The following HIF3A variants were observed in gnomAD, a reference collection of about 807,000 sequenced individuals.
HIF3A encodes the protein hypoxia-inducible factor 3-alpha.
Under a neutral mutation model 67.2 loss-of-function variants are expected in HIF3A, and 41 were observed. The ratio of observed to expected loss-of-function variants is 0.61; its 90% CI spans 0.48 to 0.79. The LOEUF (loss-of-function observed/expected upper bound fraction) is 0.79, where lower values mean the gene tolerates loss of function less well. Ranked by LOEUF, HIF3A falls within the 30% of genes least tolerant of loss-of-function variation. The pLI, the probability that HIF3A is intolerant of heterozygous loss-of-function variation, is 0.00. For missense variants in HIF3A, 855 were observed against 898.0 expected (o/e 0.95, Z 0.61); for synonymous variants, 356 against 374.8 (o/e 0.95, Z 0.58).
At chr19:46,324,957 T>TAC (rs1186957017) in intron 10 of HIF3A, among the ~76,000 whole-genome samples, 18 of 136,958 alleles carry the variant, frequency 1.3e-4, no homozygotes, top group East Asian at 1.3e-3. Flanking sequence ...TATATATATA[T>TAC]ACACATACAC....
chr19:46,298,440 C>G, intron 1 of HIF3A: 1 of 1,288,574 alleles, frequency 7.8e-7, no homozygotes. Context: ...GTAACTCGCA[C>G]CCGGGTCCTG....
intron 4 of HIF3A, 38 bp downstream of exon 4, chr19:46,308,343 G>C (rs1421047535): frequency 7.5e-7 from 1 of 1,336,064 alleles, no homozygotes; most frequent in South Asian, 1.3e-5. Flanking sequence ...ACCATACAGA[G>C]GAGGAAGCTG....
At chr19:46,312,738 C>A (rs73940661) in intron 8 of HIF3A, 85 bp downstream of exon 8, 3 of 462,964 alleles carry the variant, frequency 6.5e-6, no homozygotes, top group Admixed American at 5.6e-5. Context: ...TGTGTGTGTG[C>A]GTATGAGCAT....
chr19:46,338,685 T>C (rs1039804993), intron 14 of HIF3A: 3 of 285,516 alleles, frequency 1.1e-5, no homozygotes, highest in South Asian at 1.0e-4. Context: ...GGAGGTGCTG[T>C]TATTAGCCCG....
rs909693229 is a variant in HIF3A at position 46,304,087 on chromosome 19, A to G, written c.216A>G (p.Ala72=). ...SYLRMHRLCA[A]GEWNQVGAGG... ...TGCGCATGCACCGCCTCTGCGCCGCAGGTGAGCCCCGCCCGCGGGAATTCC... is the reference window on the plus strand; with the variant it reads ...TGCGCATGCACCGCCTCTGCGCCGCGGGTGAGCCCCGCCCGCGGGAATTCC... The change falls in exon 2 of 15, where the codon GCA becomes GCG. Residue 72 remains alanine (A), a splice_region_variant and synonymous_variant. Transcript: ENST00000377670. 1.3e-6 allele frequency: 2 copies of G among 1,559,820 alleles called. No homozygotes were observed. Among genetic ancestry groups the G allele is most frequent in the South Asian group, 1.2e-5 (1 of 85,050 alleles).
chr19:46,320,028 G>A (rs984715781), intron 8 of HIF3A, among the ~76,000 whole-genome samples: 3 of 152,068 alleles, frequency 2.0e-5, no homozygotes, highest in Admixed American at 6.6e-5. Context: ...TCAGGAGTTC[G>A]AGACCAGCCT....
Position 46,312,662 on chromosome 19 carries a change from G to A in HIF3A, c.1025+9G>A. ...GTCCATTTTTTAATCAGGTAAGCAG[G>A]AGGAGGGGCTGGGGTGGCTGTGTGT... On this transcript the variant is annotated intron_variant, in intron 8 of 14. Transcript: ENST00000377670. The A allele has an allele frequency of 6.5e-6, 10 of 1,548,446 alleles. No homozygotes were observed. Among genetic ancestry groups the A allele is most frequent in the South Asian group, 1.3e-5 (1 of 79,926 alleles).
intron 10 of HIF3A, among the ~76,000 whole-genome samples, chr19:46,322,739 C>T (rs1247775960): frequency 6.6e-6 from 1 of 152,114 alleles, no homozygotes; most frequent in Non-Finnish European, 1.5e-5. Flanking sequence ...CCGTACCTGG[C>T]TCTTTGGGTT....
chr19:46,321,539 G>C (rs1479534520), intron 9 of HIF3A, among the ~76,000 whole-genome samples: 2 of 152,158 alleles, frequency 1.3e-5, no homozygotes, highest in East Asian at 3.9e-4. Context: ...AACTGAGATA[G>C]TGCCACTGCA....
At chr19:46,324,378 C>T (rs953941795) in intron 10 of HIF3A, among the ~76,000 whole-genome samples, 5 of 152,146 alleles carry the variant, frequency 3.3e-5, no homozygotes, top group Admixed American at 6.6e-5. Context: ...AGTGGGTCCA[C>T]GTTATCCAGT....
intron 1 of HIF3A, chr19:46,298,614 T>C: frequency 2.1e-6 from 2 of 936,040 alleles, no homozygotes; most frequent in Non-Finnish European, 2.8e-6. Context: ...AAGTCCCTGG[T>C]GGGTACGGCT....
At chr19:46,338,651 C>A in intron 14 of HIF3A, 1 of 452,908 alleles carries the variant, frequency 2.2e-6, no homozygotes, top group Non-Finnish European at 3.1e-6. Flanking sequence ...ATTTATTCCT[C>A]ACAACAGAGG....
chr19:46,300,405 A>T (rs574283544), intron 1 of HIF3A, among the ~76,000 whole-genome samples: 49 of 152,328 alleles, frequency 3.2e-4, no homozygotes, highest in Non-Finnish European at 5.7e-4. Context: ...TCATGCCTGT[A>T]ATCCCAACAT....
rs79327636 is a variant in HIF3A, at chr19:46,302,757, C to G, written c.27-1141C>G. On this transcript the variant is annotated intron_variant, in intron 1 of 14. Coordinates refer to ENST00000377670, the MANE Select transcript of HIF3A (RefSeq NM_152795.4). ...GGCGTGCTGATACGCACCTGTGGTCCCAGCTACATAAGAGGCTGAGGCTGG... is the reference window on the plus strand; with the variant it reads ...GGCGTGCTGATACGCACCTGTGGTCGCAGCTACATAAGAGGCTGAGGCTGG... Among the ~76,000 whole-genome samples the G allele has an allele frequency of 5.4e-3, 821 of 152,118 alleles. 27 individuals are homozygous for G. Among genetic ancestry groups the G allele is most frequent in the East Asian group, 0.045 (234 of 5,170 alleles).
At chr19:46,301,385 C>A (rs919995921) in intron 1 of HIF3A, among the ~76,000 whole-genome samples, 6 of 152,030 alleles carry the variant, frequency 3.9e-5, no homozygotes, top group African/African-American at 1.4e-4. Flanking sequence ...CGGATGGGTC[C>A]CAAGGAGGGG....
intron 9 of HIF3A, among the ~76,000 whole-genome samples, chr19:46,321,313 G>A (rs908085026): frequency 6.6e-6 from 1 of 152,214 alleles, no homozygotes; most frequent in Non-Finnish European, 1.5e-5. Flanking sequence ...GCTGGGAGCA[G>A]TGGTTTATGC....
intron 1 of HIF3A, chr19:46,303,631 G>A (rs376322291): frequency 1.8e-5 from 28 of 1,577,826 alleles, no homozygotes; most frequent in Non-Finnish European, 3.4e-6. Flanking sequence ...AGCGGCCCTA[G>A]GCGCGCCACA....
intron 10 of HIF3A, among the ~76,000 whole-genome samples, chr19:46,322,829 A>G (rs1970477210): frequency 6.6e-6 from 1 of 152,132 alleles, no homozygotes; most frequent in East Asian, 1.9e-4. Context: ...AGGATATTGC[A>G]CGGATACGGA....
At chr19:46,326,908 C>A (rs1426706719) in intron 11 of HIF3A, among the ~76,000 whole-genome samples, 1 of 152,116 alleles carries the variant, frequency 6.6e-6, no homozygotes, top group Non-Finnish European at 1.5e-5. Context: ...AATCCCAGCT[C>A]TTTGGGAGGC....
Sources: allele counts gnomAD v4.1 joint callset (sites outside exome capture counted in the v4.1 genomes callset), GRCh38; gene constraint gnomAD v4.1.1; transcripts MANE v1.5; gene names NCBI Gene and HGNC (gene_info 2026-07-23, HGNC 2026-07-21).